TMEM234: variants seen among roughly 807,000 people sequenced by gnomAD.
TMEM234 encodes transmembrane protein 234.
TMEM234 carries 21 observed loss-of-function variants against 17.8 expected under a neutral mutation model. The observed-to-expected ratio is 1.18, with a 90% CI of 0.84 to 1.70. TMEM234 has a LOEUF of 1.70. TMEM234 is among the 40% of genes most tolerant of loss of function. TMEM234 has a pLI of 0.00. For synonymous variants in TMEM234, 83 were observed against 73.5 expected (o/e 1.13, Z -0.66); for missense variants, 137 against 166.9 (o/e 0.82, Z 0.99).
chr1:32,217,057 C>T, intron 4 of TMEM234, 110 bp from the exon 5 acceptor site: 2 of 1,574,494 alleles, frequency 1.3e-6, no homozygotes, highest in Non-Finnish European at 1.7e-6. Flanking sequence ...ATCCCAAACC[C>T]CAGCCTCTGT....
At position 32,217,436 on chromosome 1, in the gene TMEM234, C is replaced by T; in HGVS notation, c.236-85G>A. The T allele has an allele frequency of 2.5e-6, 4 of 1,586,178 alleles. No homozygotes were observed. The South Asian group carries it at 4.5e-5, about 18-fold the overall frequency. On this transcript the variant is annotated intron_variant, in intron 3 of 4. Transcript: ENST00000309777. ...ACACTTCCATCATCATCATTTCATA[C>T]CTTTAAAAAAGGTATCAAAACCCCA...
At position 32,217,859 on chromosome 1, in the gene TMEM234, C is replaced by A. The variant is rs534128551; in HGVS notation, c.236-508G>T. ...AACTAAGGCAAGTTGAGGATTTAAA[C>A]CAAGGCTTGCCTGACTCCAAAGCCT... On this transcript the variant is annotated intron_variant, in intron 3 of 4. Transcript: ENST00000309777. 2.0e-5 allele frequency among the ~76,000 whole-genome samples: 3 copies of A among 152,336 alleles called. No individual in the cohort carries two copies. The East Asian group carries it at 5.8e-4, about 29-fold the overall frequency.
downstream of TMEM234, chr1:32,215,886 C>T (rs1243316890): frequency 6.4e-7 from 1 of 1,551,344 alleles, no homozygotes; most frequent in Non-Finnish European, 8.7e-7. Context: ...AGCCCCAGCT[C>T]TGCCATCTTG....
downstream of TMEM234, chr1:32,216,042 T>G: frequency 2.6e-6 from 2 of 776,666 alleles, no homozygotes; most frequent in Non-Finnish European, 4.2e-6. Context: ...CCCGTTCTCC[T>G]GCTCCTAAAC....
rs1248215301 is a variant in TMEM234 at position 32,216,612 on chromosome 1, T to C, written c.*241A>G. On this transcript the variant is annotated 3_prime_UTR_variant, in exon 5 of 5. Transcript: ENST00000309777. ...GAAGAGAGCTGCTGGGGCAGAAAGGTTGCTGAGGGTGAGCGTAGAGTCTCC... is the reference window on the plus strand; with the variant it reads ...GAAGAGAGCTGCTGGGGCAGAAAGGCTGCTGAGGGTGAGCGTAGAGTCTCC... The C allele has an allele frequency of 5.9e-6, 9 of 1,536,778 alleles. No homozygotes were observed. The highest frequency in any genetic ancestry group is 7.9e-6 in the Non-Finnish European group (9 of 1,136,598).
downstream of TMEM234, chr1:32,214,679 C>G: frequency 7.0e-7 from 1 of 1,420,714 alleles, no homozygotes; most frequent in Non-Finnish European, 9.5e-7. Flanking sequence ...TGAAGACAGA[C>G]GGTGTCTCCT....
intron 3 of TMEM234, 67 bp downstream of exon 3, chr1:32,221,060 CCCCG>C: frequency 7.5e-7 from 1 of 1,341,346 alleles, no homozygotes; most frequent in Non-Finnish European, 1.1e-6. Context: ...TCAAGCTCCA[CCCCG>C]CCCCCCCCAA....
At chr1:32,218,594 G>C (rs773764167) in intron 3 of TMEM234, among the ~76,000 whole-genome samples, 35 of 152,122 alleles carry the variant, frequency 2.3e-4, no homozygotes, top group Non-Finnish European at 4.1e-4. Context: ...CCTGAGGTTG[G>C]GAGTTAGAGA....
At chr1:32,215,522 G>A (rs1638310164), downstream of TMEM234, 1 of 1,613,646 alleles carries the variant, frequency 6.2e-7, no homozygotes, top group African/African-American at 1.3e-5. Context: ...AAGACACTCA[G>A]ACAGAGGAGC....
At position 32,216,374 on chromosome 1, in the gene TMEM234, T is replaced by A; in HGVS notation, c.*479A>T. 6.4e-7 allele frequency: 1 copy of A among 1,550,570 alleles called. No homozygotes were observed. Among genetic ancestry groups the A allele is most frequent in the South Asian group, 1.2e-5 (1 of 84,050 alleles). ...ACAGCTCATTTCCTGCATCTGCCAC[T>A]CCGACGCACCTTCTTCCCTCGGTTC... On this transcript the variant is annotated 3_prime_UTR_variant, in exon 5 of 5. Coordinates refer to ENST00000309777, the MANE Select transcript of TMEM234 (RefSeq NM_019118.5).
In TMEM234 at chr1:32,221,959, TCAG is replaced by T; in HGVS notation, c.73_75del (p.Leu25del). 6.2e-7 allele frequency: 1 copy of T among 1,612,774 alleles called. No homozygotes were observed. Among genetic ancestry groups the T allele is most frequent in the Non-Finnish European group, 8.5e-7 (1 of 1,179,922 alleles). ...CGCTGCAGGCCGGCGGAGGCCCGCT[TCAG>T]CAGCGGCTGCGTGCCACCCCACAGA... On this transcript the variant is annotated inframe_deletion, in exon 2 of 5. Transcript: ENST00000309777.
At chr1:32,215,096 C>T, downstream of TMEM234, 2 of 989,158 alleles carry the variant, frequency 2.0e-6, no homozygotes. Context: ...TACTGTGGCT[C>T]AGGAGACTGC....
Position 32,219,603 on chromosome 1 carries a change from G to A in TMEM234, c.235+1528C>T, listed in dbSNP as rs75270174. ...TGTTGTTGCCTAGGGTGATCTCTAG[G>A]CTCAGGTTATCTGCCCACCTCAGCC... On this transcript the variant is annotated intron_variant, in intron 3 of 4. Coordinates refer to ENST00000309777, the MANE Select transcript of TMEM234 (RefSeq NM_019118.5). Among the ~76,000 whole-genome samples, 281 of 152,164 alleles carry A rather than the reference G, an allele frequency of 1.8e-3. 1 individual carries two copies. The highest frequency in any genetic ancestry group is 0.011 in the Admixed American group (163 of 15,262).
chr1:32,220,700 G>A (rs537264142), intron 3 of TMEM234, among the ~76,000 whole-genome samples: 1 of 152,280 alleles, frequency 6.6e-6, no homozygotes, highest in East Asian at 1.9e-4. Context: ...TGTATATGGA[G>A]CTCTGACTGT....
chr1:32,222,208 G>A, intron 1 of TMEM234, 99 bp downstream of exon 1: 1 of 1,506,510 alleles, frequency 6.6e-7, no homozygotes, highest in Non-Finnish European at 8.9e-7. Flanking sequence ...GGCCTCTGGG[G>A]TTGTAGCAGG....
Position 32,221,858 on chromosome 1 carries a change from G to C in TMEM234, c.168+9C>G. Reference sequence around the variant, plus strand: ...TCCACCGAGAGAGGGGCCTTTCACAGAGACGCACCTCAGTATTCAAGAAGA... The same window carrying C: ...TCCACCGAGAGAGGGGCCTTTCACACAGACGCACCTCAGTATTCAAGAAGA... On this transcript the variant is annotated intron_variant, in intron 2 of 4. Coordinates refer to ENST00000309777, the MANE Select transcript of TMEM234 (RefSeq NM_019118.5). 3 of 1,612,918 alleles carry C rather than the reference G, an allele frequency of 1.9e-6. No homozygotes were observed. The highest frequency in any genetic ancestry group is 2.5e-6 in the Non-Finnish European group (3 of 1,179,936).
chr1:32,221,066 C>G, intron 3 of TMEM234, 65 bp downstream of exon 3: 3 of 1,389,632 alleles, frequency 2.2e-6, no homozygotes, highest in South Asian at 1.2e-5. Context: ...TCCACCCCGC[C>G]CCCCCCAATC....
At chr1:32,219,448 A>G (rs553818718) in intron 3 of TMEM234, among the ~76,000 whole-genome samples, 53 of 152,274 alleles carry the variant, frequency 3.5e-4, no homozygotes, top group African/African-American at 1.2e-3. Context: ...GCTGGAGTGC[A>G]GTGGTGAGGT....
At chr1:32,217,515 T>G (rs764272187) in intron 3 of TMEM234, 164 bp from the exon 4 acceptor site, 1 of 1,471,798 alleles carries the variant, frequency 6.8e-7, no homozygotes. Flanking sequence ...ATCTCCTGAC[T>G]CCACGTTCAG....
Sources: gnomAD v4.1 joint callset for allele counts (sites outside exome capture counted in the v4.1 genomes callset) on GRCh38, gnomAD v4.1.1 for gene constraint, MANE v1.5 for transcripts, NCBI Gene and HGNC (gene_info 2026-07-23, HGNC 2026-07-21) for gene names.